Variants in KIF13A observed in about 807,000 individuals in gnomAD.
KIF13A encodes kinesin family member 13A, also known as kinesin-like protein KIF13A.
A neutral mutation model predicts 212.2 loss-of-function variants in KIF13A; 79 were observed. The observed-to-expected ratio is 0.37, with a 90% CI of 0.31 to 0.45. The LOEUF is 0.45. KIF13A is among the 20% of genes least tolerant of loss of function. KIF13A has a pLI of 1.00. For synonymous variants in KIF13A, 789 were observed against 808.6 expected, an observed-to-expected ratio of 0.98 and a Z score of 0.41; for missense variants, 1,901 against 2,209.0, an observed-to-expected ratio of 0.86 and a Z score of 2.79.
intron 4 of KIF13A, among the ~76,000 whole-genome samples, chr6:17,870,672 C>T (rs1215748766): frequency 1.3e-5 from 2 of 152,122 alleles, no homozygotes; most frequent in African/African-American, 2.4e-5. Flanking sequence ...ATTATCTGGC[C>T]TCATTCAACA....
chr6:17,826,659 A>G lies in KIF13A; in HGVS notation c.1533-535T>C, dbSNP rs1764983128. Among the ~76,000 whole-genome samples the G allele has an allele frequency of 6.6e-6, 1 of 152,162 alleles. No individual in the cohort carries two copies. Among genetic ancestry groups the G allele is most frequent in the Admixed American group, 6.5e-5 (1 of 15,272 alleles). ...CATTTGTTAAAAGAGATCTAAGAGG[A>G]ATACTATAAAACAATGGTAGGATCT... On this transcript the variant is annotated intron_variant, in intron 14 of 38. Transcript: ENST00000259711. This position sits in a 1 kb window ranked among gnomAD's most constrained non-coding sequence, Gnocchi z 4.7.
In KIF13A at chr6:17,918,464, T is replaced by C. The variant is rs138090347; in HGVS notation, c.147-20284A>G. Among the ~76,000 whole-genome samples, 22 of 152,340 alleles carry C rather than the reference T, an allele frequency of 1.4e-4. No homozygotes were observed. The highest frequency in any genetic ancestry group is 1.2e-3 in the Admixed American group (19 of 15,304). On this transcript the variant is annotated intron_variant, in intron 2 of 38. Transcript: ENST00000259711. This position sits in a 1 kb window ranked among gnomAD's most constrained non-coding sequence, Gnocchi z 4.8. ...ATTTTATGTCTGTTAACTACTAATT[T>C]GGAGTCCTTTTCACAGGAATGTGTT...
intron 4 of KIF13A, among the ~76,000 whole-genome samples, chr6:17,869,144 T>C (rs565744384): frequency 6.6e-6 from 1 of 151,914 alleles, no homozygotes; most frequent in South Asian, 2.1e-4. Flanking sequence ...CAACATAAAA[T>C]GGCTGATTCA....
intron 4 of KIF13A, among the ~76,000 whole-genome samples, chr6:17,857,074 G>A (rs1050640860): frequency 9.2e-5 from 14 of 152,114 alleles, no homozygotes; most frequent in African/African-American, 2.2e-4. Context: ...TATCTTACAT[G>A]ATAGTTCCTT....
Position 17,897,102 on chromosome 6 carries a change from T to C in KIF13A, c.159+1066A>G, listed in dbSNP as rs73723275. 2.4e-4 allele frequency among the ~76,000 whole-genome samples: 36 copies of C among 152,334 alleles called. No individual in the cohort carries two copies. Among genetic ancestry groups the C allele is most frequent in the African/African-American group, 7.9e-4 (33 of 41,584 alleles). On this transcript the variant is annotated intron_variant, in intron 3 of 38. Coordinates refer to ENST00000259711, the MANE Select transcript of KIF13A (RefSeq NM_022113.6). This position sits in a 1 kb window ranked among gnomAD's most constrained non-coding sequence, Gnocchi z 4.8. Reference sequence around the variant, plus strand: ...GATCTTATATCATTTGTTCAATGCATGCCTTCCTTGCTAAAGCTGAAACTC... The same window carrying C: ...GATCTTATATCATTTGTTCAATGCACGCCTTCCTTGCTAAAGCTGAAACTC...
chr6:17,785,791 C>T lies in KIF13A; in HGVS notation c.3362-150G>A. ...GTTGGGCAGGGTGGTGGTACGCATG[C>T]CTGTAGTCCCAGATACTCAGGCAGC... On this transcript the variant is annotated intron_variant, in intron 27 of 38. Transcript: ENST00000259711. The surrounding 1 kb of genome is among the most constrained non-coding windows in gnomAD (Gnocchi z 5.8). 3 of 785,672 alleles carry T rather than the reference C, an allele frequency of 3.8e-6. No homozygotes were observed. Among genetic ancestry groups the T allele is most frequent in the Non-Finnish European group, 6.1e-6 (3 of 494,708 alleles). The allele number at this position is 785,672 out of a possible 1,614,324, so 48.7% of individuals were successfully genotyped here.
intron 25 of KIF13A, among the ~76,000 whole-genome samples, chr6:17,791,065 A>G (rs1761493195): frequency 6.6e-6 from 1 of 152,158 alleles, no homozygotes; most frequent in African/African-American, 2.4e-5. Flanking sequence ...GTGCTTTAAG[A>G]ATATAGTCAA....
At chr6:17,796,926 C>T (rs142935413) in intron 22 of KIF13A, 106 bp from the exon 23 acceptor site, 5 of 597,194 alleles carry the variant, frequency 8.4e-6, no homozygotes, top group South Asian at 7.2e-5. Context: ...TTAGCCTGAT[C>T]GTGACCTTAA....
intron 22 of KIF13A, among the ~76,000 whole-genome samples, chr6:17,798,527 G>GA (rs1266873153): frequency 2.0e-5 from 3 of 152,208 alleles, no homozygotes; most frequent in African/African-American, 7.2e-5. Flanking sequence ...TTTATAGGTG[G>GA]TGATATGGAT....
Position 17,982,963 on chromosome 6 carries a change from G to C in KIF13A, c.146+4091C>G, listed in dbSNP as rs1189597375. On this transcript the variant is annotated intron_variant, in intron 2 of 38. Transcript: ENST00000259711. The surrounding 1 kb of genome is among the most constrained non-coding windows in gnomAD (Gnocchi z 5.1). ...AGGCAGGCGGATTACAAGGTCAGGA[G>C]TTTGAGACCAGCCTGGCCAACATAG... Among the ~76,000 whole-genome samples, 2 of 152,162 alleles carry C rather than the reference G, an allele frequency of 1.3e-5. No homozygotes were observed. Among genetic ancestry groups the C allele is most frequent in the African/African-American group, 4.8e-5 (2 of 41,440 alleles).
chr6:17,831,338 TG>T (rs35749383), intron 12 of KIF13A, 103 bp from the exon 13 acceptor site: 7 of 1,297,866 alleles, frequency 5.4e-6, no homozygotes, highest in Middle Eastern at 1.9e-4. Flanking sequence ...ACAATGCCAA[TG>T]GGATTACACA....
chr6:17,787,916 A>G lies in KIF13A; in HGVS notation c.3262-41T>C, dbSNP rs753152452. On this transcript the variant is annotated intron_variant, in intron 26 of 38. Transcript: ENST00000259711. The surrounding 1 kb of genome is among the most constrained non-coding windows in gnomAD (Gnocchi z 4.6). ...GAAAATATTTTCCTGTAGACTGCAC[A>G]GACAACGATTTCTTTCTTTCTTTTT... is the stretch of plus-strand genomic sequence containing the variant. The G allele has an allele frequency of 5.5e-5, 57 of 1,039,996 alleles. No homozygotes were observed. The highest frequency in any genetic ancestry group is 2.1e-4 in the Middle Eastern group (1 of 4,848). 64.4% of individuals were successfully genotyped at this position (1,039,996 alleles called of 1,614,324 possible). A position where few individuals can be genotyped will look rare whatever the true frequency, so the allele number is the denominator to read the frequency against.
intron 2 of KIF13A, among the ~76,000 whole-genome samples, chr6:17,954,983 T>A (rs1205771188): frequency 6.6e-6 from 1 of 152,040 alleles, no homozygotes; most frequent in Non-Finnish European, 1.5e-5. Context: ...CAGGCTCATT[T>A]AAAAAAACTT....
At chr6:17,832,902 T>C (rs1200498491) in intron 12 of KIF13A, among the ~76,000 whole-genome samples, 1 of 149,888 alleles carries the variant, frequency 6.7e-6, no homozygotes, top group Non-Finnish European at 1.5e-5. Flanking sequence ...TAGTCCCAGC[T>C]GCTCGGGAGG....
At chr6:17,774,436 T>C (rs1759758240) in intron 35 of KIF13A, among the ~76,000 whole-genome samples, 3 of 152,172 alleles carry the variant, frequency 2.0e-5, no homozygotes, top group African/African-American at 4.8e-5. Context: ...GGTACTGTCC[T>C]GGTATGGAAC....
intron 25 of KIF13A, among the ~76,000 whole-genome samples, chr6:17,792,936 G>A (rs181930147): frequency 4.6e-5 from 7 of 152,298 alleles, no homozygotes; most frequent in East Asian, 1.9e-4. Context: ...TCCTCGGCAC[G>A]ATAGGGAGAG....
intron 2 of KIF13A, among the ~76,000 whole-genome samples, chr6:17,949,772 A>C (rs945853526): frequency 1.3e-5 from 2 of 152,114 alleles, no homozygotes; most frequent in Non-Finnish European, 2.9e-5. Flanking sequence ...ATTATACTGC[A>C]TATACAGTAA....
intron 26 of KIF13A, among the ~76,000 whole-genome samples, chr6:17,788,325 C>T (rs1761231244): frequency 6.6e-6 from 1 of 152,150 alleles, no homozygotes; most frequent in Admixed American, 6.6e-5. Context: ...CATAGATTTT[C>T]TGAAATGCAA....
chr6:17,833,815 C>T lies in KIF13A; in HGVS notation c.1266+146G>A, dbSNP rs554697544. 2,098 of 483,468 alleles carry T rather than the reference C, an allele frequency of 4.3e-3. 45 individuals carry two copies. The highest frequency in any genetic ancestry group is 2.2e-3 in the Non-Finnish European group (610 of 282,066). The allele number at this position is 483,468 out of a possible 1,614,324, so 29.9% of individuals were successfully genotyped here. A position where few individuals can be genotyped will look rare whatever the true frequency, so the allele number is the denominator to read the frequency against. ...AGGTTGCAGTGAGTCGAGATCACGC[C>T]ACTGCACCCCAGCCTGGGCGACAGA... On this transcript the variant is annotated intron_variant, in intron 12 of 38. Transcript: ENST00000259711.
Sources: allele counts gnomAD v4.1 joint callset (sites outside exome capture counted in the v4.1 genomes callset), GRCh38; gene constraint gnomAD v4.1.1; non-coding constraint Gnocchi (gnomAD v3.1); transcripts MANE v1.5; gene names NCBI Gene and HGNC (gene_info 2026-07-23, HGNC 2026-07-21).